Variants in ZNF385D observed in about 807,000 individuals in gnomAD.
ZNF385D encodes zinc finger protein 385D.
A neutral mutation model predicts 35.8 loss-of-function variants in ZNF385D; 15 were observed. The ratio of observed to expected loss-of-function variants is 0.42; its 90% confidence interval spans 0.28 to 0.64. The LOEUF (loss-of-function observed/expected upper bound fraction) is 0.64. ZNF385D is among the 30% of genes least tolerant of loss of function. ZNF385D has a pLI of 0.23. For missense variants in ZNF385D, 474 were observed against 494.6 expected, an observed-to-expected ratio of 0.96 and a Z score of 0.39; for synonymous variants, 212 against 186.8, an observed-to-expected ratio of 1.13 and a Z score of -1.10.
intron 3 of ZNF385D, among the ~76,000 whole-genome samples, chr3:21,541,098 T>C (rs1366000355): frequency 4.6e-5 from 7 of 152,216 alleles, no homozygotes. Context: ...CTGTAGAATA[T>C]GAAAGAATAC....
intron 2 of ZNF385D, among the ~76,000 whole-genome samples, chr3:22,180,951 CCTT>C (rs1305536195): frequency 1.8e-5 from 2 of 111,284 alleles, no homozygotes; most frequent in African/African-American, 4.9e-5. Flanking sequence ...TTTGCTTTCT[CCTT>C]CTCTCATTTA....
intron 1 of ZNF385D, among the ~76,000 whole-genome samples, chr3:21,704,329 T>C (rs1195777512): frequency 6.6e-6 from 1 of 152,104 alleles, no homozygotes; most frequent in South Asian, 2.1e-4. Context: ...TGAAAAGCCC[T>C]GCTTTATGTG....
intron 3 of ZNF385D, among the ~76,000 whole-genome samples, chr3:22,016,222 T>G (rs537881952): frequency 1.3e-5 from 2 of 152,234 alleles, no homozygotes; most frequent in Admixed American, 1.3e-4. Flanking sequence ...GTTTTTGCTG[T>G]CACAGCAAGG....
At chr3:21,688,727 A>G (rs1236045774) in intron 1 of ZNF385D, among the ~76,000 whole-genome samples, 2 of 152,208 alleles carry the variant, frequency 1.3e-5, no homozygotes, top group Non-Finnish European at 2.9e-5. Context: ...TAGGAATGCA[A>G]CATGAAAACT....
rs148365995 is a variant in ZNF385D at position 22,093,969 on chromosome 3, G to A, written c.325+74848C>T. 1.5e-3 allele frequency among the ~76,000 whole-genome samples: 226 copies of A among 152,154 alleles called. 3 individuals are homozygous for A. Among genetic ancestry groups the A allele is most frequent in the African/African-American group, 4.6e-3 (191 of 41,536 alleles). ...GCTCCCCACCCACTTGGTTCCATCC[G>A]TATTCCAGGGAAACTAGCACCTTGA... On this transcript the variant is annotated intron_variant, in intron 3 of 5. Coordinates refer to the ZNF385D transcript ENST00000494108.
At chr3:21,910,696 T>C (rs1441940370) in intron 3 of ZNF385D, among the ~76,000 whole-genome samples, 4 of 151,480 alleles carry the variant, frequency 2.6e-5, no homozygotes, top group Non-Finnish European at 5.9e-5. Context: ...CGTAGAAAAG[T>C]AAAAAGTAAC....
At chr3:21,961,432 AT>A (rs937517112) in intron 3 of ZNF385D, 2 of 152,150 alleles carry the variant, frequency 1.3e-5, no homozygotes, top group Admixed American at 1.3e-4. Context: ...TGCCAAAAAA[AT>A]TGTTTAAAAA....
intron 1 of ZNF385D, among the ~76,000 whole-genome samples, chr3:21,721,297 G>A (rs1422323610): frequency 6.6e-6 from 1 of 151,202 alleles, no homozygotes; most frequent in Non-Finnish European, 1.5e-5. Context: ...AAGCAGAGTG[G>A]GTGAGATAAG....
intron 1 of ZNF385D, among the ~76,000 whole-genome samples, chr3:21,719,074 C>T (rs2068435514): frequency 6.6e-6 from 1 of 152,156 alleles, no homozygotes; most frequent in Non-Finnish European, 1.5e-5. Context: ...GGGCCCATGG[C>T]TTCCATCATT....
intron 3 of ZNF385D, among the ~76,000 whole-genome samples, chr3:21,947,750 G>A (rs1466469703): frequency 6.6e-6 from 1 of 151,906 alleles, no homozygotes; most frequent in Non-Finnish European, 1.5e-5. Context: ...CTGTATTTTT[G>A]TTGATACACC....
intron 3 of ZNF385D, among the ~76,000 whole-genome samples, chr3:21,782,172 T>C (rs2071515671): frequency 6.6e-6 from 1 of 152,090 alleles, no homozygotes; most frequent in Admixed American, 6.6e-5. Flanking sequence ...CAATCTCTGC[T>C]CCTGTGAGAG....
In ZNF385D at chr3:21,646,688, C is replaced by G. The variant is rs908954904; in HGVS notation, c.165+18198G>C. ...ATTAGAAAGAAAGAAACAGGCCTGC[C>G]TTCACTTCTCAACCATCAGAGGCCT... On this transcript the variant is annotated intron_variant, in intron 2 of 7. Coordinates refer to ENST00000281523, the MANE Select transcript of ZNF385D (RefSeq NM_024697.3). This position sits in a 1 kb window ranked among gnomAD's most constrained non-coding sequence, Gnocchi z 4.3. Among the ~76,000 whole-genome samples the G allele has an allele frequency of 6.6e-6, 1 of 152,194 alleles. No individual in the cohort carries two copies. Among genetic ancestry groups the G allele is most frequent in the Non-Finnish European group, 1.5e-5 (1 of 68,042 alleles).
intron 3 of ZNF385D, among the ~76,000 whole-genome samples, chr3:22,157,554 T>C (rs887432296): frequency 6.6e-6 from 1 of 152,154 alleles, no homozygotes; most frequent in African/African-American, 2.4e-5. Context: ...ATTAAGTATT[T>C]GTTAAGGAAA....
intron 2 of ZNF385D, among the ~76,000 whole-genome samples, chr3:21,615,128 G>C (rs1390238491): frequency 6.6e-6 from 1 of 152,200 alleles, no homozygotes; most frequent in Non-Finnish European, 1.5e-5. Flanking sequence ...GGCCTAGTGG[G>C]AGGTCTTTTG....
At chr3:22,293,179 TTATTA>T (rs1455169978) in intron 2 of ZNF385D, among the ~76,000 whole-genome samples, 1 of 152,086 alleles carries the variant, frequency 6.6e-6, no homozygotes, top group Non-Finnish European at 1.5e-5. Context: ...CTAATCCTAG[TTATTA>T]TATTATTCAT....
At chr3:21,831,048 G>A (rs567057282) in intron 3 of ZNF385D, among the ~76,000 whole-genome samples, 2 of 152,300 alleles carry the variant, frequency 1.3e-5, no homozygotes, top group African/African-American at 4.8e-5. Flanking sequence ...TACCCAGCGA[G>A]ACTGGAGACT....
rs112261043 is a variant in ZNF385D, at chr3:22,068,988, C to A, written c.325+99829G>T. On this transcript the variant is annotated intron_variant, in intron 3 of 5. Transcript: ENST00000494108. Reference sequence around the variant, plus strand: ...AGGTGCTATCTTTACTCTCCCTTACCCTCAGCTTTAACCTTGTTTTCATGC... The same window carrying A: ...AGGTGCTATCTTTACTCTCCCTTACACTCAGCTTTAACCTTGTTTTCATGC... Among the ~76,000 whole-genome samples the A allele has an allele frequency of 1.9e-3, 286 of 152,276 alleles. 2 individuals are homozygous for A. Among genetic ancestry groups the A allele is most frequent in the African/African-American group, 6.6e-3 (275 of 41,556 alleles).
chr3:22,336,961 A>ATATT (rs1695199188), intron 2 of ZNF385D, among the ~76,000 whole-genome samples: 1 of 136,832 alleles, frequency 7.3e-6, no homozygotes, highest in South Asian at 2.5e-4. Context: ...TGAGGAGAGA[A>ATATT]TATTTTATGC....
intron 3 of ZNF385D, among the ~76,000 whole-genome samples, chr3:22,151,914 A>T (rs1705264582): frequency 6.6e-6 from 1 of 152,146 alleles, no homozygotes; most frequent in Non-Finnish European, 1.5e-5. Flanking sequence ...TAAACTGGGC[A>T]ACATAGGAGT....
Sources: allele counts gnomAD v4.1 joint callset (sites outside exome capture counted in the v4.1 genomes callset), GRCh38; gene constraint gnomAD v4.1.1; non-coding constraint Gnocchi (gnomAD v3.1); transcripts MANE v1.5; gene names NCBI Gene and HGNC (gene_info 2026-07-23, HGNC 2026-07-21).